PARN: variants seen among roughly 807,000 people sequenced by gnomAD.
PARN encodes the protein poly(A)-specific ribonuclease PARN.
Under a neutral mutation model 102.8 loss-of-function variants are expected in PARN, and 71 were observed. The observed-to-expected ratio is 0.69, with a 90% confidence interval of 0.57 to 0.84. The LOEUF (loss-of-function observed/expected upper bound fraction) is 0.84, where lower values mean the gene tolerates loss of function less well. PARN is among the 40% of genes least tolerant of loss of function. The pLI is 0.00. For synonymous variants in PARN, 261 were observed against 252.9 expected (o/e 1.03, Z -0.30); for missense variants, 782 against 760.9 (o/e 1.03, Z -0.33).
intron 18 of PARN, among the ~76,000 whole-genome samples, chr16:14,575,608 C>A (rs372216854): frequency 6.6e-6 from 1 of 152,152 alleles, no homozygotes; most frequent in Admixed American, 6.5e-5. Context: ...AAGTAACTAA[C>A]TTGCTTGTGA....
chr16:14,613,186 G>A (rs955994496), intron 6 of PARN, among the ~76,000 whole-genome samples: 4 of 151,388 alleles, frequency 2.6e-5, no homozygotes, highest in Non-Finnish European at 5.9e-5. Context: ...GCACATGCCT[G>A]TAATCCCAGC....
intron 22 of PARN, among the ~76,000 whole-genome samples, chr16:14,470,389 G>A (rs1962650024): frequency 6.6e-6 from 1 of 151,204 alleles, no homozygotes; most frequent in Non-Finnish European, 1.5e-5. Context: ...AAACTTTAAT[G>A]AAATAATTAC....
rs537232013 is a variant in PARN at position 14,612,388 on chromosome 16, G to T, written c.389-1579C>A. On this transcript the variant is annotated intron_variant, in intron 6 of 23. Coordinates refer to ENST00000437198, the MANE Select transcript of PARN (RefSeq NM_002582.4). Reference sequence around the variant, plus strand: ...GGAGGCAGAGGTTACAGTGAGCCGAGATCGTGCCACCGCACTTCAGCCTGG... The same window carrying T: ...GGAGGCAGAGGTTACAGTGAGCCGATATCGTGCCACCGCACTTCAGCCTGG... 3.3e-5 allele frequency among the ~76,000 whole-genome samples: 5 copies of T among 152,012 alleles called. No individual in the cohort carries two copies. The East Asian group carries it at 9.8e-4, about 30-fold the overall frequency.
rs963818776 is a variant in PARN, at chr16:14,604,227, C to G, written c.703-1G>C. 2 of 1,555,332 alleles carry G rather than the reference C, an allele frequency of 1.3e-6. No individual in the cohort carries two copies. Among genetic ancestry groups the G allele is most frequent in the Non-Finnish European group, 1.8e-6 (2 of 1,137,880 alleles). Reference sequence around the variant, plus strand: ...TGCTGATAACTATATATCGCTCCTTCTAAAAGACATAAAGCAGATATACAA... The same window carrying G: ...TGCTGATAACTATATATCGCTCCTTGTAAAAGACATAAAGCAGATATACAA... On this transcript the variant is annotated splice_acceptor_variant, in intron 10 of 23. Coordinates refer to ENST00000437198, the MANE Select transcript of PARN (RefSeq NM_002582.4). LOFTEE classifies it high-confidence loss of function.
intron 21 of PARN, among the ~76,000 whole-genome samples, chr16:14,528,149 A>T (rs537458077): frequency 3.2e-4 from 48 of 152,320 alleles, no homozygotes; most frequent in Non-Finnish European, 4.9e-4. Flanking sequence ...CCATAGCCCT[A>T]ATGAGTACAA....
rs781284352 is a variant in PARN at position 14,586,332 on chromosome 16, T to C, written c.948A>G (p.Thr316=). 1 of 1,551,320 alleles carries C rather than the reference T, an allele frequency of 6.4e-7. No individual in the cohort carries two copies. The highest frequency in any genetic ancestry group is 8.8e-7 in the Non-Finnish European group (1 of 1,142,280). The change falls in exon 14 of 24, where the codon ACA becomes ACG. Residue 316 remains threonine (T), a synonymous_variant. Transcript: ENST00000437198. ...AGAAAGCTTACCTGGGGAAAACACA[T>C]GTTGTCATCTCTTTAAACTCACTTA... The part of the protein sequence containing the change: ...ADLSEFKEMT[T]CVFPRLLDTK...
At chr16:14,484,701 G>A (rs1596489488) in intron 21 of PARN, among the ~76,000 whole-genome samples, 1 of 152,078 alleles carries the variant, frequency 6.6e-6, no homozygotes, top group African/African-American at 2.4e-5. Flanking sequence ...TCCCACATCC[G>A]GCACCTGACA....
At chr16:14,544,964 A>G (rs1966871699) in intron 21 of PARN, among the ~76,000 whole-genome samples, 1 of 152,148 alleles carries the variant, frequency 6.6e-6, no homozygotes, top group South Asian at 2.1e-4. Flanking sequence ...AGGTGGGAGG[A>G]TTGCTTGAGC....
At chr16:14,583,556 C>T (rs961971959) in intron 16 of PARN, among the ~76,000 whole-genome samples, 2 of 152,206 alleles carry the variant, frequency 1.3e-5, no homozygotes, top group African/African-American at 2.4e-5. Context: ...AAAAGGTCCA[C>T]GTTTTCTCCC....
intron 21 of PARN, among the ~76,000 whole-genome samples, chr16:14,495,736 T>C (rs1964281393): frequency 6.6e-6 from 1 of 152,076 alleles, no homozygotes; most frequent in Admixed American, 6.5e-5. Flanking sequence ...ATTCTGCCCA[T>C]GGGTGGGCAT....
intron 22 of PARN, among the ~76,000 whole-genome samples, chr16:14,447,837 C>T (rs987280058): frequency 1.3e-5 from 2 of 152,054 alleles, no homozygotes; most frequent in Admixed American, 6.5e-5. Flanking sequence ...AAATTCAAGG[C>T]ATTCTATTTA....
chr16:14,584,512 G>C (rs904399692), intron 15 of PARN, 90 bp from the exon 16 acceptor site: 2 of 1,053,442 alleles, frequency 1.9e-6, no homozygotes, highest in Admixed American at 4.1e-5. Flanking sequence ...AAAAAAGACA[G>C]CATCTAGTAC....
chr16:14,448,250 G>C (rs1432234140), intron 22 of PARN, among the ~76,000 whole-genome samples: 3 of 152,156 alleles, frequency 2.0e-5, no homozygotes, highest in Non-Finnish European at 4.4e-5. Flanking sequence ...CCGGGTTCAA[G>C]CGATTCTCCT....
chr16:14,598,805 G>T (rs1167473589), intron 12 of PARN, among the ~76,000 whole-genome samples: 1 of 152,136 alleles, frequency 6.6e-6, no homozygotes, highest in Non-Finnish European at 1.5e-5. Flanking sequence ...GCCTGCAGCT[G>T]GCAGTGAGAC....
intron 21 of PARN, among the ~76,000 whole-genome samples, chr16:14,523,647 T>C (rs900196458): frequency 6.6e-6 from 1 of 152,200 alleles, no homozygotes; most frequent in Admixed American, 6.5e-5. Context: ...TAAAGACTTA[T>C]ACAGAATATG....
chr16:14,574,440 C>A (rs1968991571), intron 18 of PARN, among the ~76,000 whole-genome samples: 1 of 152,116 alleles, frequency 6.6e-6, no homozygotes. Context: ...CCTGGCCGGG[C>A]ATGGTGGCTC....
chr16:14,460,720 T>A (rs1274234672), intron 22 of PARN, among the ~76,000 whole-genome samples: 1 of 152,230 alleles, frequency 6.6e-6, no homozygotes, highest in Non-Finnish European at 1.5e-5. Context: ...AGAATTAAAG[T>A]GTTTTATTTC....
At chr16:14,540,621 AGGT>A (rs893844269) in intron 21 of PARN, among the ~76,000 whole-genome samples, 2 of 152,182 alleles carry the variant, frequency 1.3e-5, no homozygotes, top group Non-Finnish European at 2.9e-5. Context: ...TATGGAAGGA[AGGT>A]CTGGATCACA....
chr16:14,596,193 A>C (rs979547584), intron 12 of PARN, among the ~76,000 whole-genome samples: 10 of 152,162 alleles, frequency 6.6e-5, no homozygotes, highest in African/African-American at 2.4e-4. Flanking sequence ...TGGAGAAGTC[A>C]TTCATTCCAT....
Sources: allele counts gnomAD v4.1 joint callset (sites outside exome capture counted in the v4.1 genomes callset), GRCh38; gene constraint gnomAD v4.1.1; transcripts MANE v1.5; gene names NCBI Gene and HGNC (gene_info 2026-07-23, HGNC 2026-07-21).